The following CELF4 variants were observed in gnomAD, a reference collection of about 807,000 sequenced individuals.
The protein encoded by CELF4 is CUGBP Elav-like family member 4, also known as CUG-BP- and ETR-3-like factor 4.
CELF4 carries 18 observed loss-of-function variants against 59.9 expected under a neutral mutation model. The observed-to-expected ratio is 0.30, with a 90% CI of 0.21 to 0.45. The LOEUF (loss-of-function observed/expected upper bound fraction) is 0.45. Among genes scored for constraint, CELF4 ranks in the 20% least tolerant of loss-of-function variants. The probability of loss-of-function intolerance (pLI) is 1.00; values close to 1 mark genes in which losing one functional copy is unlikely to be tolerated. For missense variants in CELF4, 456 were observed against 689.0 expected, an observed-to-expected ratio of 0.66 and a Z score of 3.79; for synonymous variants, 261 against 267.1, an observed-to-expected ratio of 0.98 and a Z score of 0.22.
intron 2 of CELF4, among the ~76,000 whole-genome samples, chr18:37,323,021 TC>T (rs1178851688): frequency 6.6e-6 from 1 of 152,040 alleles, no homozygotes; most frequent in African/African-American, 2.4e-5. Flanking sequence ...GCCAATTCCC[TC>T]CCGTACAGCG....
At chr18:37,421,164 ATC>A (rs2099575673) in intron 2 of CELF4, among the ~76,000 whole-genome samples, 1 of 151,910 alleles carries the variant, frequency 6.6e-6, no homozygotes, top group Admixed American at 6.5e-5. Flanking sequence ...ACAGTTCCCT[ATC>A]CGGGTCATGG....
In CELF4 at chr18:37,253,919, G is replaced by C. The variant is rs1447123637; in HGVS notation, c.1353C>G (p.Asn451Lys). Residue 451 changes from asparagine (N) to lysine (K), a missense_variant, in exon 12 of 13, where the codon AAC becomes AAG. By Grantham distance (94) the Asn-to-Lys change is moderately conservative. Transcript: ENST00000420428. The surrounding 1 kb of genome is among the most constrained non-coding windows in gnomAD (Gnocchi z 4.5). The part of the protein sequence containing the change: ...FLPFGFVSFD[N>K]PASAQTAIQA... ...GGATGGCGGTCTGCGCGCTGGCCGG[G>C]TTGTCGAAGCTCACGAAGCCTGGCG... 6.2e-7 allele frequency: 1 copy of C among 1,606,212 alleles called. No homozygotes were observed. The highest frequency in any genetic ancestry group is 8.5e-7 in the Non-Finnish European group (1 of 1,176,734).
At chr18:37,506,557 A>C (rs1569569696) in intron 1 of CELF4, among the ~76,000 whole-genome samples, 1 of 152,296 alleles carries the variant, frequency 6.6e-6, no homozygotes, top group Admixed American at 6.5e-5. Flanking sequence ...ATGGAGAGGG[A>C]GGTTGGGCAA....
chr18:37,364,005 G>A (rs923177920), intron 2 of CELF4, among the ~76,000 whole-genome samples: 6 of 152,174 alleles, frequency 3.9e-5, no homozygotes, highest in Non-Finnish European at 8.8e-5. Context: ...AAGACCCAGG[G>A]GCCCTCTGAG....
chr18:37,369,800 C>T (rs191168156), intron 2 of CELF4, among the ~76,000 whole-genome samples: 41 of 152,346 alleles, frequency 2.7e-4, no homozygotes, highest in African/African-American at 8.7e-4. Context: ...CCAGGCCATA[C>T]GCTCATCTCT....
intron 2 of CELF4, among the ~76,000 whole-genome samples, chr18:37,343,486 C>T (rs945063263): frequency 6.6e-6 from 1 of 151,876 alleles, no homozygotes; most frequent in Non-Finnish European, 1.5e-5. Flanking sequence ...AGATGGCAGC[C>T]GGGTGCAGTC....
chr18:37,359,454 T>C (rs547452574), intron 2 of CELF4, among the ~76,000 whole-genome samples: 29 of 152,110 alleles, frequency 1.9e-4, no homozygotes, highest in African/African-American at 7.0e-4. Context: ...TGATCCTCCC[T>C]CCACAGCCTC....
intron 10 of CELF4, among the ~76,000 whole-genome samples, chr18:37,262,456 G>A (rs1055554956): frequency 6.6e-6 from 1 of 152,172 alleles, no homozygotes; most frequent in African/African-American, 2.4e-5. Flanking sequence ...GGAATGAGGA[G>A]GAGTTCAGAG....
At chr18:37,449,243 G>A (rs2099756453) in intron 2 of CELF4, among the ~76,000 whole-genome samples, 1 of 152,198 alleles carries the variant, frequency 6.6e-6, no homozygotes, top group Admixed American at 6.5e-5. Context: ...CCTGAGGCAA[G>A]AGGAAGGATG....
intron 1 of CELF4, among the ~76,000 whole-genome samples, chr18:37,491,636 G>A (rs918690754): frequency 4.6e-5 from 7 of 152,184 alleles, no homozygotes; most frequent in African/African-American, 1.7e-4. Flanking sequence ...AGTTGGCAGA[G>A]TGAGGAGGGA....
At chr18:37,538,024 C>T (rs1423885583) in intron 1 of CELF4, among the ~76,000 whole-genome samples, 3 of 152,220 alleles carry the variant, frequency 2.0e-5, no homozygotes, top group Non-Finnish European at 4.4e-5. Context: ...GCGGCCGGCT[C>T]CTTGGTCCGG....
At chr18:37,480,572 TTACAGTTG>T (rs1476944624) in intron 2 of CELF4, among the ~76,000 whole-genome samples, 2 of 152,210 alleles carry the variant, frequency 1.3e-5, no homozygotes. Context: ...TCATTCATCT[TTACAGTTG>T]TACATAAAAT....
chr18:37,547,243 T>C (rs1178206597), intron 1 of CELF4, among the ~76,000 whole-genome samples: 1 of 150,688 alleles, frequency 6.6e-6, no homozygotes, highest in African/African-American at 2.4e-5. Context: ...TGTGTTCCCA[T>C]GAGCCAACAG....
At chr18:37,388,356 AG>A (rs893713819) in intron 2 of CELF4, among the ~76,000 whole-genome samples, 1 of 151,322 alleles carries the variant, frequency 6.6e-6, no homozygotes, top group African/African-American at 2.4e-5. Context: ...CTCCTTTCCC[AG>A]CTCCTCCTCT....
At chr18:37,491,912 C>G (rs1223379505) in intron 1 of CELF4, among the ~76,000 whole-genome samples, 2 of 152,106 alleles carry the variant, frequency 1.3e-5, no homozygotes, top group Non-Finnish European at 2.9e-5. Flanking sequence ...CCCCATGTGC[C>G]GGGATAAAAG....
intron 8 of CELF4, among the ~76,000 whole-genome samples, chr18:37,269,058 T>A (rs73948857): frequency 0.025 from 3,747 of 152,196 alleles, 169 homozygotes; most frequent in African/African-American, 0.086. Flanking sequence ...CCAGATGGGC[T>A]TGTGGGCAGG....
intron 2 of CELF4, among the ~76,000 whole-genome samples, chr18:37,410,932 G>A (rs2099445328): frequency 6.6e-6 from 1 of 152,174 alleles, no homozygotes. Context: ...CCAGAGATGG[G>A]GAGAGGCACT....
chr18:37,538,299 T>C (rs2099975232), intron 1 of CELF4, among the ~76,000 whole-genome samples: 1 of 152,328 alleles, frequency 6.6e-6, no homozygotes, highest in South Asian at 2.1e-4. Context: ...ACTGGCTGTG[T>C]AGCCCTGGGC....
chr18:37,487,421 G>A (rs1305948416), intron 1 of CELF4, among the ~76,000 whole-genome samples: 2 of 152,190 alleles, frequency 1.3e-5, no homozygotes, highest in East Asian at 3.9e-4. Flanking sequence ...GCTTGGAGAA[G>A]CTTCGGAGAA....
Sources: gnomAD v4.1 joint callset for allele counts (sites outside exome capture counted in the v4.1 genomes callset) on GRCh38, gnomAD v4.1.1 for gene constraint, Gnocchi (gnomAD v3.1) non-coding constraint, MANE v1.5 for transcripts, NCBI Gene and HGNC (gene_info 2026-07-23, HGNC 2026-07-21) for gene names.